The following UPF2 variants were observed in gnomAD, a reference collection of about 807,000 sequenced individuals.
The protein encoded by UPF2 is regulator of nonsense transcripts 2.
Under a neutral mutation model 141.4 loss-of-function variants are expected in UPF2, and 17 were observed. That is an observed-to-expected ratio of 0.12 (90% CI 0.08 to 0.18). UPF2 has a LOEUF of 0.18. Ranked by LOEUF, UPF2 falls within the 10% of genes least tolerant of loss-of-function variation. UPF2 has a pLI of 1.00. For synonymous variants in UPF2, 540 were observed against 498.0 expected, an observed-to-expected ratio of 1.08 and a Z score of -1.12; for missense variants, 1,152 against 1,515.9, an observed-to-expected ratio of 0.76 and a Z score of 3.99.
chr10:11,955,521 A>G lies in UPF2; in HGVS notation c.2575-14T>C. On this transcript the variant is annotated splice_polypyrimidine_tract_variant and intron_variant, in intron 13 of 21. Transcript: ENST00000357604. ...AGGTTGATTAACCTAAAAGGCAACA[A>G]AACCACAGATTTTCATTAAAGAGGA... 6.3e-7 allele frequency: 1 copy of G among 1,595,422 alleles called. No homozygotes were observed. Among genetic ancestry groups the G allele is most frequent in the Non-Finnish European group, 8.5e-7 (1 of 1,171,688 alleles).
chr10:11,922,955 G>A (rs1832664418), intron 21 of UPF2, among the ~76,000 whole-genome samples: 1 of 152,128 alleles, frequency 6.6e-6, no homozygotes, highest in Admixed American at 6.6e-5. Context: ...GACTGCTTGA[G>A]CCCAGGAGGT....
At chr10:11,951,940 C>A in intron 15 of UPF2, 126 bp downstream of exon 15, 1 of 970,446 alleles carries the variant, frequency 1.0e-6, no homozygotes, top group Non-Finnish European at 1.6e-6. Context: ...AACACTACTA[C>A]GTAACACTCA....
intron 15 of UPF2, among the ~76,000 whole-genome samples, 185 bp downstream of exon 15, chr10:11,951,881 C>A (rs1297450325): frequency 6.6e-6 from 1 of 152,058 alleles, no homozygotes; most frequent in Admixed American, 6.6e-5. Flanking sequence ...TGTTGTCCTC[C>A]GGTTTGAAAT....
Position 11,953,731 on chromosome 10 carries a change from G to A in UPF2, c.2851-1482C>T, listed in dbSNP as rs1833106807. Among the ~76,000 whole-genome samples, 1 of 152,010 alleles carries A rather than the reference G, an allele frequency of 6.6e-6. No individual in the cohort carries two copies. Among genetic ancestry groups the A allele is most frequent in the African/African-American group, 2.4e-5 (1 of 41,374 alleles). On this transcript the variant is annotated intron_variant, in intron 14 of 21. Coordinates refer to ENST00000357604, the MANE Select transcript of UPF2 (RefSeq NM_015542.4). The surrounding 1 kb of genome is among the most constrained non-coding windows in gnomAD (Gnocchi z 5.0). Reference sequence around the variant, plus strand: ...TTAAGATGGTCCTTACATACAACAGGGACTGCAACCCTCAAATCTGCAAGT... The same window carrying A: ...TTAAGATGGTCCTTACATACAACAGAGACTGCAACCCTCAAATCTGCAAGT...
At chr10:11,999,813 A>G in intron 7 of UPF2, 93 bp downstream of exon 7, 2 of 1,015,480 alleles carry the variant, frequency 2.0e-6, no homozygotes, top group African/African-American at 1.6e-5. Flanking sequence ...TGGACTTTGT[A>G]GCTCAAACAG....
intron 18 of UPF2, among the ~76,000 whole-genome samples, chr10:11,942,072 T>A (rs942684871): frequency 6.6e-6 from 1 of 152,032 alleles, no homozygotes; most frequent in Non-Finnish European, 1.5e-5. Context: ...AAGAAAGAAG[T>A]CTTAGAAATA....
chr10:11,938,853 G>GGTTTTTT (rs1832889411), intron 18 of UPF2, among the ~76,000 whole-genome samples: 36 of 79,830 alleles, frequency 4.5e-4, no homozygotes, highest in Non-Finnish European at 7.2e-4. Flanking sequence ...TTTTTTTTTT[G>GGTTTTTT]TTTTTTTTTT....
At chr10:11,999,532 A>AAAC (rs1564361270) in intron 7 of UPF2, among the ~76,000 whole-genome samples, 1 of 115,678 alleles carries the variant, frequency 8.6e-6, no homozygotes, top group Non-Finnish European at 1.8e-5. Context: ...AAAAAAAAAA[A>AAAC]ACACACACAA....
At chr10:11,923,022 A>C (rs1416962621) in intron 21 of UPF2, among the ~76,000 whole-genome samples, 1 of 152,186 alleles carries the variant, frequency 6.6e-6, no homozygotes, top group Non-Finnish European at 1.5e-5. Context: ...TGACAGAGCA[A>C]GAACCTGTCT....
intron 14 of UPF2, among the ~76,000 whole-genome samples, chr10:11,954,712 A>C (rs1471425046): frequency 6.7e-6 from 1 of 149,368 alleles, no homozygotes; most frequent in African/African-American, 2.4e-5. Flanking sequence ...GCGATGGTTC[A>C]TGCCTGTAAT....
chr10:11,936,794 T>C lies in UPF2; in HGVS notation c.3379-82A>G. On this transcript the variant is annotated intron_variant, in intron 18 of 21. Coordinates refer to ENST00000357604, the MANE Select transcript of UPF2 (RefSeq NM_015542.4). This position sits in a 1 kb window ranked among gnomAD's most constrained non-coding sequence, Gnocchi z 6.6. ...CAATATAAATTGCAAACTCATTCAA[T>C]GCTGTATTTCTTAAAACACAACAAT... The C allele has an allele frequency of 7.5e-7, 1 of 1,325,282 alleles. No homozygotes were observed. Among genetic ancestry groups the C allele is most frequent in the Non-Finnish European group, 1.0e-6 (1 of 994,024 alleles). The allele number at this position is 1,325,282 out of a possible 1,614,324, so 82.1% of individuals were successfully genotyped here.
At chr10:12,004,437 G>A in intron 5 of UPF2, 93 bp downstream of exon 5, 2 of 986,958 alleles carry the variant, frequency 2.0e-6, no homozygotes, top group Non-Finnish European at 2.9e-6. Flanking sequence ...TACAAAACTA[G>A]TAACTACAAT....
At chr10:12,022,478 T>C (rs1834335897) in intron 3 of UPF2, among the ~76,000 whole-genome samples, 1 of 152,108 alleles carries the variant, frequency 6.6e-6, no homozygotes, top group Non-Finnish European at 1.5e-5. Context: ...TATTTATGGA[T>C]ATCTCATAAT....
intron 3 of UPF2, among the ~76,000 whole-genome samples, chr10:12,024,413 G>C (rs749504133): frequency 2.0e-5 from 3 of 151,778 alleles, no homozygotes; most frequent in Non-Finnish European, 4.4e-5. Flanking sequence ...AGTTCGAGAC[G>C]AGCCTGGGCA....
intron 10 of UPF2, among the ~76,000 whole-genome samples, chr10:11,967,044 G>A (rs1450925494): frequency 6.6e-6 from 1 of 151,966 alleles, no homozygotes; most frequent in Non-Finnish European, 1.5e-5. Context: ...ATATTTAAGG[G>A]TGACTCTGTT....
chr10:11,981,705 G>C (rs964242339), intron 8 of UPF2, among the ~76,000 whole-genome samples: 2 of 151,378 alleles, frequency 1.3e-5, no homozygotes, highest in Non-Finnish European at 2.9e-5. Flanking sequence ...TTCTGAGACG[G>C]AGTCTCGCTC....
In UPF2 at chr10:11,948,274, G is replaced by C. The variant is rs567366400; in HGVS notation, c.3174+95C>G. On this transcript the variant is annotated intron_variant, in intron 16 of 21. Transcript: ENST00000357604. ...AAAAAAAAAAAAAAAAAAAAAACCAGGAGGAGGTCTTATGTATTAAAAAAA... is the reference window on the plus strand; with the variant it reads ...AAAAAAAAAAAAAAAAAAAAAACCACGAGGAGGTCTTATGTATTAAAAAAA... 72 of 1,044,162 alleles carry C rather than the reference G, an allele frequency of 6.9e-5. No individual in the cohort carries two copies. The African/African-American group carries it at 1.1e-3, about 16-fold the overall frequency. 64.7% of individuals were successfully genotyped at this position (1,044,162 alleles called of 1,614,324 possible). A position where few individuals can be genotyped will look rare whatever the true frequency, so the allele number is the denominator to read the frequency against.
At position 11,997,738 on chromosome 10, in the gene UPF2, A is replaced by G; in HGVS notation, c.1778T>C (p.Met593Thr). 1.2e-6 allele frequency: 2 copies of G among 1,613,870 alleles called. No individual in the cohort carries two copies. Among genetic ancestry groups the G allele is most frequent in the Non-Finnish European group, 1.7e-6 (2 of 1,179,882 alleles). Residue 593 changes from methionine to threonine, a missense_variant, in exon 8 of 22, where the codon ATG becomes ACG. This residue lies in a region of UPF2 where 739 missense variants were observed against 1,032.2 expected (regional missense o/e 0.72). Transcript: ENST00000357604. ...CCTGTTTGCTTTTGTGTTCATGTTC[A>G]TGCAAAAATCCATTGCTGCCTATTG... ...LIDKAAMDFC[M>T]NMNTKANRKK...
chr10:11,977,238 T>C (rs1833519737), intron 9 of UPF2, among the ~76,000 whole-genome samples: 1 of 152,160 alleles, frequency 6.6e-6, no homozygotes, highest in Non-Finnish European at 1.5e-5. Flanking sequence ...GAAAAGGTGT[T>C]TGTTGCTGTC....
Sources: allele counts gnomAD v4.1 joint callset (sites outside exome capture counted in the v4.1 genomes callset), GRCh38; gene constraint gnomAD v4.1.1; regional missense constraint gnomAD v4.1.1; non-coding constraint Gnocchi (gnomAD v3.1); transcripts MANE v1.5; gene names NCBI Gene and HGNC (gene_info 2026-07-23, HGNC 2026-07-21).